The following AOAH variants were observed in gnomAD, a reference collection of about 807,000 sequenced individuals.
The protein encoded by AOAH is acyloxyacyl hydrolase (neutrophil).
A neutral mutation model predicts 92.2 loss-of-function variants in AOAH; 64 were observed. That is an observed-to-expected ratio of 0.69 (90% CI 0.57 to 0.86). The LOEUF is 0.86. AOAH is among the 40% of genes least tolerant of loss of function. The pLI is 0.00. For synonymous variants in AOAH, 263 were observed against 254.5 expected (o/e 1.03, Z -0.32); for missense variants, 656 against 694.6 (o/e 0.94, Z 0.62).
At chr7:36,548,187 A>AG (rs1785927624) in intron 15 of AOAH, among the ~76,000 whole-genome samples, 2 of 152,090 alleles carry the variant, frequency 1.3e-5, no homozygotes, top group Admixed American at 6.6e-5. Context: ...ACACGTGTCT[A>AG]GGACTTGCTT....
intron 6 of AOAH, among the ~76,000 whole-genome samples, chr7:36,626,703 T>C (rs898041142): frequency 3.6e-4 from 55 of 152,342 alleles, no homozygotes; most frequent in African/African-American, 1.2e-3. Context: ...TTATGGTATA[T>C]GCATTATTGA....
At position 36,620,864 on chromosome 7, in the gene AOAH, A is replaced by C. The variant is rs1285549359; in HGVS notation, c.654-35T>G. On this transcript the variant is annotated intron_variant, in intron 8 of 20. Coordinates refer to ENST00000617537, the MANE Select transcript of AOAH (RefSeq NM_001637.4). The stretch of plus-strand genomic sequence containing the variant: ...AAACATTAACATTGGTCTTTGACAT[A>C]TGCTTGTCTCTCAGTGGATGTCAGT... 2.5e-6 allele frequency: 4 copies of C among 1,598,642 alleles called. No homozygotes were observed. In the East Asian group the frequency reaches 8.9e-5, roughly 36 times the overall value.
At chr7:36,676,853 G>A (rs1001173266) in intron 2 of AOAH, among the ~76,000 whole-genome samples, 1 of 152,152 alleles carries the variant, frequency 6.6e-6, no homozygotes, top group African/African-American at 2.4e-5. Context: ...TTAACAAATG[G>A]TGCTGGGACA....
intron 2 of AOAH, among the ~76,000 whole-genome samples, chr7:36,677,969 T>A (rs995720114): frequency 6.6e-6 from 1 of 152,186 alleles, no homozygotes; most frequent in Non-Finnish European, 1.5e-5. Flanking sequence ...TGGGGGCGGA[T>A]GCTAAAAGGC....
intron 3 of AOAH, among the ~76,000 whole-genome samples, chr7:36,671,715 G>T (rs1290082445): frequency 6.6e-6 from 1 of 151,904 alleles, no homozygotes; most frequent in Non-Finnish European, 1.5e-5. Context: ...GATTTGTTTG[G>T]GGTAGAGGTA....
chr7:36,647,395 G>T (rs1399473560), intron 4 of AOAH, among the ~76,000 whole-genome samples: 2 of 152,186 alleles, frequency 1.3e-5, no homozygotes, highest in East Asian at 3.9e-4. Context: ...GGATCTTTTA[G>T]AACCATTCCC....
At chr7:36,572,545 G>A (rs1379624099) in intron 13 of AOAH, among the ~76,000 whole-genome samples, 1 of 151,328 alleles carries the variant, frequency 6.6e-6, no homozygotes, top group Non-Finnish European at 1.5e-5. Flanking sequence ...AAAAAGGAAA[G>A]AAAAGAAAGA....
At chr7:36,694,725 AT>A (rs1244008733) in intron 1 of AOAH, among the ~76,000 whole-genome samples, 1 of 152,158 alleles carries the variant, frequency 6.6e-6, no homozygotes, top group Non-Finnish European at 1.5e-5. Context: ...TAATCAATCG[AT>A]TTTTTCTTTC....
At chr7:36,719,032 A>AG (rs1799448975) in intron 1 of AOAH, among the ~76,000 whole-genome samples, 1 of 152,252 alleles carries the variant, frequency 6.6e-6, no homozygotes, top group African/African-American at 2.4e-5. Context: ...TCATAATTAA[A>AG]GCGAGGAATA....
At position 36,548,644 on chromosome 7, in the gene AOAH, T is replaced by A. The variant is rs745644009; in HGVS notation, c.1101A>T (p.Ile367=). Residue 367 remains isoleucine (I), a synonymous_variant, in exon 15 of 21, where the codon ATA becomes ATT. Coordinates refer to ENST00000617537, the MANE Select transcript of AOAH (RefSeq NM_001637.4). ...NKVLDYPAIV[I]YAMIGNDVCS... is the part of the protein sequence containing the mutation. ...AGACATCATTTCCAATCATGGCATA[T>A]ATAACGATGGCGGGATAGTCCAACA... 6.2e-7 allele frequency: 1 copy of A among 1,613,850 alleles called. No individual in the cohort carries two copies. Among genetic ancestry groups the A allele is most frequent in the Non-Finnish European group, 8.5e-7 (1 of 1,179,794 alleles).
chr7:36,656,284 C>T (rs1209076168), intron 4 of AOAH, among the ~76,000 whole-genome samples: 3 of 152,112 alleles, frequency 2.0e-5, no homozygotes, highest in African/African-American at 2.4e-5. Context: ...GAGCATATAC[C>T]GCGCGAGGCC....
chr7:36,666,369 T>C (rs949558150), intron 3 of AOAH, among the ~76,000 whole-genome samples: 4 of 152,126 alleles, frequency 2.6e-5, no homozygotes, highest in Non-Finnish European at 5.9e-5. Flanking sequence ...ATCTTTTTAA[T>C]ATCTGTGGGA....
At chr7:36,609,587 G>T (rs1478171121) in intron 11 of AOAH, among the ~76,000 whole-genome samples, 1 of 152,074 alleles carries the variant, frequency 6.6e-6, no homozygotes, top group Non-Finnish European at 1.5e-5. Flanking sequence ...GCTAGGGCAC[G>T]CCTTCCTAGG....
At chr7:36,608,234 C>A (rs1483991794) in intron 11 of AOAH, among the ~76,000 whole-genome samples, 1 of 152,244 alleles carries the variant, frequency 6.6e-6, no homozygotes, top group African/African-American at 2.4e-5. Context: ...GGCGTCTTTA[C>A]AGTGAGGGGG....
chr7:36,535,623 C>G (rs1241867896), intron 16 of AOAH, among the ~76,000 whole-genome samples: 1 of 152,188 alleles, frequency 6.6e-6, no homozygotes, highest in Non-Finnish European at 1.5e-5. Context: ...GGCTTCCTCT[C>G]CATAGTCTAA....
At position 36,548,697 on chromosome 7, in the gene AOAH, A is replaced by G; in HGVS notation, c.1059-11T>C. On this transcript the variant is annotated splice_polypyrimidine_tract_variant and intron_variant, in intron 14 of 20. Coordinates refer to ENST00000617537, the MANE Select transcript of AOAH (RefSeq NM_001637.4). ...TTGTTTCTAGACAAGCTGAGAAGGC[A>G]TAGATGGAATCTGAATGTCAGATAC... The G allele has an allele frequency of 6.2e-7, 1 of 1,610,838 alleles. No homozygotes were observed. The highest frequency in any genetic ancestry group is 8.5e-7 in the Non-Finnish European group (1 of 1,177,168).
intron 1 of AOAH, among the ~76,000 whole-genome samples, chr7:36,723,796 GT>G (rs769487287): frequency 6.6e-6 from 1 of 152,126 alleles, no homozygotes; most frequent in Non-Finnish European, 1.5e-5. Flanking sequence ...AGGTGGAAGA[GT>G]TTTATGCCCA....
chr7:36,520,241 G>C (rs1010852229), intron 20 of AOAH, among the ~76,000 whole-genome samples: 2 of 152,220 alleles, frequency 1.3e-5, no homozygotes, highest in Non-Finnish European at 2.9e-5. Context: ...TTTGATAGAT[G>C]GGATAAATAT....
At chr7:36,617,542 C>A (rs557351085) in intron 10 of AOAH, among the ~76,000 whole-genome samples, 96 of 152,308 alleles carry the variant, frequency 6.3e-4, no homozygotes, top group African/African-American at 2.2e-3. Flanking sequence ...CCAAGTATAA[C>A]CGTTGGTTAG....
Sources: allele counts gnomAD v4.1 joint callset (sites outside exome capture counted in the v4.1 genomes callset), GRCh38; gene constraint gnomAD v4.1.1; transcripts MANE v1.5; gene names NCBI Gene and HGNC (gene_info 2026-07-23, HGNC 2026-07-21).